COL15A1: variants seen among roughly 807,000 people sequenced by gnomAD.
COL15A1 encodes the protein collagen alpha-1(XV) chain.
Under a neutral mutation model 165.9 loss-of-function variants are expected in COL15A1, and 111 were observed. That is an observed-to-expected ratio of 0.67 (90% CI 0.57 to 0.78). COL15A1 has a LOEUF of 0.78. COL15A1 is among the 30% of genes least tolerant of loss of function. COL15A1 has a pLI of 0.00. For synonymous variants in COL15A1, 659 were observed against 674.8 expected (o/e 0.98, Z 0.36); for missense variants, 1,745 against 1,789.7 (o/e 0.98, Z 0.45).
At chr9:98,981,428 G>C (rs1838234324) in intron 2 of COL15A1, among the ~76,000 whole-genome samples, 1 of 152,128 alleles carries the variant, frequency 6.6e-6, no homozygotes. Context: ...CTGCACTCCA[G>C]CCTGGTCAAC....
chr9:99,065,309 G>T (rs79283845), intron 39 of COL15A1, among the ~76,000 whole-genome samples: 1 of 152,212 alleles, frequency 6.6e-6, no homozygotes, highest in South Asian at 2.1e-4. Context: ...TCAAGGCCTC[G>T]TGTGATGCAC....
chr9:98,976,428 C>T (rs1247693303), intron 2 of COL15A1, among the ~76,000 whole-genome samples: 1 of 152,188 alleles, frequency 6.6e-6, no homozygotes, highest in African/African-American at 2.4e-5. Context: ...CAGACAGAGT[C>T]TTGAACCTGA....
intron 28 of COL15A1, 80 bp downstream of exon 28, chr9:99,048,080 T>C (rs1454649746): frequency 1.8e-5 from 14 of 786,772 alleles, no homozygotes; most frequent in Non-Finnish European, 3.1e-5. Flanking sequence ...GCAGGGCCTG[T>C]GGACTGAATG....
intron 16 of COL15A1, among the ~76,000 whole-genome samples, chr9:99,031,257 C>T (rs1429709508): frequency 6.6e-6 from 1 of 152,180 alleles, no homozygotes; most frequent in Non-Finnish European, 1.5e-5. Context: ...CCACCCTCAG[C>T]CCCTGTGATC....
intron 5 of COL15A1, among the ~76,000 whole-genome samples, chr9:98,995,661 C>G (rs984516192): frequency 6.6e-5 from 10 of 152,218 alleles, no homozygotes; most frequent in African/African-American, 2.2e-4. Context: ...GGCCCAACTC[C>G]TTAAAGCCTT....
In COL15A1 at chr9:98,985,659, G is replaced by C. The variant is rs143274396; in HGVS notation, c.195G>C (p.Pro65=). ...TTGTCACAGGCTATGGTGGCTTCCC[G>C]GCCTACAGTTTCGGGCCTGGTGCCA... The part of the protein sequence containing the change: ...VSFVTGYGGF[P]AYSFGPGANV... Residue 65 remains proline, a synonymous_variant, in exon 3 of 42, where the codon CCG becomes CCC. Transcript: ENST00000375001. 1 of 1,614,098 alleles carries C rather than the reference G, an allele frequency of 6.2e-7. No individual in the cohort carries two copies. Among genetic ancestry groups the C allele is most frequent in the African/African-American group, 1.3e-5 (1 of 74,934 alleles).
rs116991400 is a variant in COL15A1 at position 99,046,337 on chromosome 9, T to C, written c.2680-1449T>C. ...CATGCACCAGCATCACTGACATCAC[T>C]TGGGAGCTTCTTAGAACTGTAGAAC... On this transcript the variant is annotated intron_variant, in intron 26 of 41. Coordinates refer to ENST00000375001, the MANE Select transcript of COL15A1 (RefSeq NM_001855.5). Among the ~76,000 whole-genome samples, 10 of 152,306 alleles carry C rather than the reference T, an allele frequency of 6.6e-5. No individual in the cohort carries two copies. In the East Asian group the frequency reaches 1.9e-3, roughly 29 times the overall value.
intron 28 of COL15A1, among the ~76,000 whole-genome samples, chr9:99,048,901 A>T (rs1461990152): frequency 1.3e-5 from 2 of 152,120 alleles, no homozygotes; most frequent in Non-Finnish European, 2.9e-5. Context: ...ACCAAGATGT[A>T]AACACAGCTC....
intron 2 of COL15A1, among the ~76,000 whole-genome samples, chr9:98,967,001 A>G (rs966482344): frequency 3.9e-5 from 6 of 152,180 alleles, no homozygotes; most frequent in African/African-American, 1.4e-4. Flanking sequence ...CATGTGTATT[A>G]TTTGTACATT....
chr9:98,985,606 G>A lies in COL15A1; in HGVS notation c.142G>A (p.Gly48Ser), dbSNP rs577671129. ...QGHLDLTQLI[G>S]VPLPSSVSFV... The stretch of plus-strand genomic sequence containing the variant: ...TCACCTGGACCTCACGCAGCTCATC[G>A]GTGTCCCGCTGCCCTCGTCCGTATC... Residue 48 changes from glycine to serine, a missense_variant, in exon 3 of 42, where the codon GGT becomes AGT. By Grantham distance (56) the Gly-to-Ser change is moderately conservative (BLOSUM62 0). Coordinates refer to ENST00000375001, the MANE Select transcript of COL15A1 (RefSeq NM_001855.5). 133 of 1,614,190 alleles carry A rather than the reference G, an allele frequency of 8.2e-5. 2 individuals are homozygous for A. The South Asian group carries it at 1.2e-3, about 15-fold the overall frequency.
intron 2 of COL15A1, among the ~76,000 whole-genome samples, chr9:98,978,813 T>C (rs368501191): frequency 4.6e-4 from 70 of 152,204 alleles, no homozygotes; most frequent in African/African-American, 1.6e-3. Flanking sequence ...TAAAAAGATA[T>C]CCAGTGAAAA....
intron 2 of COL15A1, among the ~76,000 whole-genome samples, chr9:98,964,916 G>A (rs1300882726): frequency 6.6e-6 from 1 of 152,188 alleles, no homozygotes; most frequent in Admixed American, 6.5e-5. Context: ...GCCCACTGAA[G>A]CTATGAGCTC....
At chr9:99,007,790 G>A (rs1838788502) in intron 9 of COL15A1, among the ~76,000 whole-genome samples, 1 of 152,052 alleles carries the variant, frequency 6.6e-6, no homozygotes, top group African/African-American at 2.4e-5. Flanking sequence ...CTTAATTTTA[G>A]TGATTTCAAA....
Position 99,003,470 on chromosome 9 carries a change from A to G in COL15A1, c.1083A>G (p.Ala361=). 1 of 1,524,856 alleles carries G rather than the reference A, an allele frequency of 6.6e-7. No individual in the cohort carries two copies. The highest frequency in any genetic ancestry group is 8.8e-7 in the Non-Finnish European group (1 of 1,135,344). 94.5% of individuals were successfully genotyped at this position (1,524,856 alleles called of 1,614,324 possible). A position where few individuals can be genotyped will look rare whatever the true frequency, so the allele number is the denominator to read the frequency against. ...IAEEKNLAAT[A]AGLAEVPIST... ...GTTTTCAGAATTTAGCAGCAACAGCAGCGGGGCTGGCCGAGGTGCCCATCA... is the reference window on the plus strand; with the variant it reads ...GTTTTCAGAATTTAGCAGCAACAGCGGCGGGGCTGGCCGAGGTGCCCATCA... The change falls in exon 8 of 42, where the codon GCA becomes GCG. Residue 361 remains alanine (A), a synonymous_variant. Transcript: ENST00000375001.
chr9:99,038,896 C>T (rs141814249), intron 22 of COL15A1, among the ~76,000 whole-genome samples, 163 bp downstream of exon 22: 470 of 152,274 alleles, frequency 3.1e-3, no homozygotes, highest in African/African-American at 1.0e-2. Flanking sequence ...GTTGCTTTCA[C>T]ATTAATTTGA....
rs1243015209 is a variant in COL15A1, at chr9:99,018,313, T to A, written c.1648-2076T>A. Among the ~76,000 whole-genome samples the A allele has an allele frequency of 3.9e-5, 6 of 152,364 alleles. No individual in the cohort carries two copies. The East Asian group carries it at 9.6e-4, about 24-fold the overall frequency. Reference sequence around the variant, plus strand: ...CCTTCTTTTTCCCTTTTGCCATTAATCTGTTGAAGAAACTGGGTCAGTTTC... The same window carrying A: ...CCTTCTTTTTCCCTTTTGCCATTAAACTGTTGAAGAAACTGGGTCAGTTTC... On this transcript the variant is annotated intron_variant, in intron 11 of 41. Transcript: ENST00000375001.
intron 2 of COL15A1, among the ~76,000 whole-genome samples, chr9:98,960,314 C>A (rs567578651): frequency 2.6e-5 from 4 of 152,010 alleles, no homozygotes; most frequent in Non-Finnish European, 5.9e-5. Flanking sequence ...GTGGGAGGAT[C>A]GCTTGAGCCC....
intron 26 of COL15A1, among the ~76,000 whole-genome samples, chr9:99,047,394 G>A (rs1312342973): frequency 6.6e-6 from 1 of 152,136 alleles, no homozygotes; most frequent in Non-Finnish European, 1.5e-5. Context: ...CAGAATGGGG[G>A]ATGCGATAAG....
intron 30 of COL15A1, 141 bp from the exon 31 acceptor site, chr9:99,052,247 T>TG (rs1839601943): frequency 1.4e-6 from 1 of 698,046 alleles, no homozygotes; most frequent in African/African-American, 1.8e-5. Flanking sequence ...CTCAGGGCTT[T>TG]GGGGGACTCC....
Sources: gnomAD v4.1 joint callset for allele counts (sites outside exome capture counted in the v4.1 genomes callset) on GRCh38, gnomAD v4.1.1 for gene constraint, MANE v1.5 for transcripts, NCBI Gene and HGNC (gene_info 2026-07-23, HGNC 2026-07-21) for gene names.